The following CBLB variants were observed in gnomAD, a reference collection of about 807,000 sequenced individuals.
The protein encoded by CBLB is Cbl proto-oncogene B.
In CBLB, 31 loss-of-function variants were observed where a neutral mutation model predicts 104.9. The ratio of observed to expected loss-of-function variants is 0.30; its 90% CI spans 0.22 to 0.40. The LOEUF is 0.40. CBLB is among the 10% of genes least tolerant of loss of function. The probability of loss-of-function intolerance (pLI) is 1.00; values close to 1 mark genes in which losing one functional copy is unlikely to be tolerated. For missense variants in CBLB, 1,062 were observed against 1,214.6 expected (o/e 0.87, Z 1.87); for synonymous variants, 440 against 422.6 (o/e 1.04, Z -0.51).
intron 3 of CBLB, 128 bp from the exon 4 acceptor site, chr3:105,776,670 C>A: frequency 2.5e-6 from 2 of 815,610 alleles, no homozygotes; most frequent in Non-Finnish European, 3.9e-6. Context: ...TGGTTGATCA[C>A]GAAAACCTCA....
At chr3:105,679,409 G>T (rs542338982) in intron 16 of CBLB, among the ~76,000 whole-genome samples, 1 of 150,472 alleles carries the variant, frequency 6.6e-6, no homozygotes, top group African/African-American at 2.4e-5. Context: ...ATGAGACAGG[G>T]TATACATAAA....
chr3:105,835,668 G>C (rs981154096), intron 3 of CBLB, among the ~76,000 whole-genome samples: 9 of 152,074 alleles, frequency 5.9e-5, no homozygotes, highest in African/African-American at 2.2e-4. Flanking sequence ...TTCTTTCTAA[G>C]CTTCAATGAC....
chr3:105,715,837 G>A (rs1288989287), intron 10 of CBLB, among the ~76,000 whole-genome samples: 4 of 152,238 alleles, frequency 2.6e-5, no homozygotes, highest in South Asian at 2.1e-4. Flanking sequence ...TCAGGAGTTC[G>A]AGACTAGGCT....
At chr3:105,829,885 T>C (rs1176329617) in intron 3 of CBLB, among the ~76,000 whole-genome samples, 1 of 152,140 alleles carries the variant, frequency 6.6e-6, no homozygotes, top group East Asian at 1.9e-4. Context: ...CTATTACATA[T>C]ATTTGAAGTG....
At chr3:105,676,505 G>T (rs545713616) in intron 17 of CBLB, among the ~76,000 whole-genome samples, 1 of 152,088 alleles carries the variant, frequency 6.6e-6, no homozygotes, top group Non-Finnish European at 1.5e-5. Flanking sequence ...CTTAAGTTAC[G>T]CATATAAAAG....
chr3:105,802,290 C>G (rs1242289703), intron 3 of CBLB, among the ~76,000 whole-genome samples: 1 of 152,214 alleles, frequency 6.6e-6, no homozygotes, highest in Non-Finnish European at 1.5e-5. Context: ...GGAACAGTTC[C>G]CAGTTTGCTT....
Position 105,681,744 on chromosome 3 carries a change from T to C in CBLB, c.2276A>G (p.Asp759Gly). ...CGTACCCTTTAAATATATGCTTAAG[T>C]CAGGGATGTTTGATTTCTTCTCTGA... Reference protein sequence around the residue: ...PSSEKKSNIPDLSIYLKGDVF... With the variant: ...PSSEKKSNIPGLSIYLKGDVF... The change falls in exon 15 of 19, where the codon GAC becomes GGC. Residue 759 changes from aspartate to glycine, a missense_variant. Around this residue, in one of 2 missense-constraint regions of CBLB, gnomAD observed 605 missense variants for 582.6 expected, o/e 1.04. Transcript: ENST00000394030. The C allele has an allele frequency of 6.2e-7, 1 of 1,609,050 alleles. No homozygotes were observed. Among genetic ancestry groups the C allele is most frequent in the Non-Finnish European group, 8.5e-7 (1 of 1,175,494 alleles).
intron 3 of CBLB, among the ~76,000 whole-genome samples, chr3:105,829,545 C>A (rs940931664): frequency 9.2e-5 from 14 of 151,708 alleles, no homozygotes; most frequent in Admixed American, 7.2e-4. Context: ...TGTAGTCCCA[C>A]CTACTTGGGA....
chr3:105,693,096 G>C (rs1250973901), intron 13 of CBLB, among the ~76,000 whole-genome samples: 1 of 151,910 alleles, frequency 6.6e-6, no homozygotes, highest in Non-Finnish European at 1.5e-5. Context: ...TAGCTGAATG[G>C]ATGTGAGAAA....
intron 2 of CBLB, among the ~76,000 whole-genome samples, chr3:105,863,701 CTAAA>C (rs1281646526): frequency 6.6e-6 from 1 of 152,022 alleles, no homozygotes; most frequent in African/African-American, 2.4e-5. Context: ...GAAAAATGTA[CTAAA>C]TAGACTGAGG....
chr3:105,729,500 A>G (rs1241035541), intron 9 of CBLB, among the ~76,000 whole-genome samples: 1 of 152,112 alleles, frequency 6.6e-6, no homozygotes, highest in African/African-American at 2.4e-5. Flanking sequence ...TAATCATATA[A>G]AACAAAAACA....
chr3:105,857,311 G>A (rs1304108363), intron 2 of CBLB, among the ~76,000 whole-genome samples: 2 of 152,100 alleles, frequency 1.3e-5, no homozygotes, highest in Non-Finnish European at 2.9e-5. Flanking sequence ...TTATCAGGTG[G>A]AAATTGCTTG....
chr3:105,788,977 G>C (rs1364071458), intron 3 of CBLB, among the ~76,000 whole-genome samples: 1 of 152,096 alleles, frequency 6.6e-6, no homozygotes, highest in East Asian at 1.9e-4. Flanking sequence ...CAAATGCTAG[G>C]CATGACAGTA....
At chr3:105,662,800 G>A (rs1235234928) in intron 18 of CBLB, among the ~76,000 whole-genome samples, 1 of 152,168 alleles carries the variant, frequency 6.6e-6, no homozygotes, top group Non-Finnish European at 1.5e-5. Context: ...AGAAGCCCTG[G>A]TTTAGGAGTA....
intron 9 of CBLB, among the ~76,000 whole-genome samples, chr3:105,723,266 C>G (rs1323917282): frequency 6.6e-6 from 1 of 152,098 alleles, no homozygotes; most frequent in Non-Finnish European, 1.5e-5. Context: ...TCAATGTATA[C>G]TTAATGCAAG....
intron 3 of CBLB, among the ~76,000 whole-genome samples, chr3:105,838,761 T>G (rs1363794507): frequency 6.6e-6 from 1 of 151,532 alleles, no homozygotes; most frequent in Non-Finnish European, 1.5e-5. Flanking sequence ...GCCATTCTCC[T>G]GCCTCAGCCT....
chr3:105,837,475 T>C (rs2088720016), intron 3 of CBLB, among the ~76,000 whole-genome samples: 2 of 152,352 alleles, frequency 1.3e-5, no homozygotes, highest in Admixed American at 1.3e-4. Context: ...GGAGCTCAGA[T>C]ACAGAACTAA....
rs1280380767 is a variant in CBLB at position 105,868,987 on chromosome 3, CAGG to C, written c.-269_-267del. ...CCGCGGGACGCCGCAGCAGCACTAG[CAGG>C]AGGAGGAGACCGCTCGCTGGACACC... On this transcript the variant is annotated 5_prime_UTR_variant, in exon 1 of 19. Coordinates refer to ENST00000394030, the MANE Select transcript of CBLB (RefSeq NM_170662.5). The C allele has an allele frequency of 3.8e-6, 4 of 1,048,942 alleles. No homozygotes were observed. Among genetic ancestry groups the C allele is most frequent in the East Asian group, 1.1e-4 (1 of 9,222 alleles). 65.0% of individuals were successfully genotyped at this position (1,048,942 alleles called of 1,614,324 possible).
intron 14 of CBLB, among the ~76,000 whole-genome samples, chr3:105,683,810 C>T (rs2152733645): frequency 6.6e-6 from 1 of 152,260 alleles, no homozygotes; most frequent in Middle Eastern, 3.4e-3. Flanking sequence ...TAAACACCAG[C>T]AATAGCAAGG....
Sources: gnomAD v4.1 joint callset for allele counts (sites outside exome capture counted in the v4.1 genomes callset) on GRCh38, gnomAD v4.1.1 for gene constraint, gnomAD v4.1.1 regional missense constraint, MANE v1.5 for transcripts, NCBI Gene and HGNC (gene_info 2026-07-23, HGNC 2026-07-21) for gene names.